ERBB4: variants seen among roughly 807,000 people sequenced by gnomAD.
The protein encoded by ERBB4 is receptor tyrosine-protein kinase erbB-4.
In ERBB4, 42 loss-of-function variants were observed where a neutral mutation model predicts 158.0. The observed-to-expected ratio is 0.27, with a 90% CI of 0.21 to 0.34. The LOEUF is 0.34. ERBB4 is among the 10% of genes least tolerant of loss of function. The probability of loss-of-function intolerance (pLI) is 1.00; values close to 1 mark genes in which losing one functional copy is unlikely to be tolerated. For missense variants in ERBB4, 1,333 were observed against 1,624.1 expected, an observed-to-expected ratio of 0.82 and a Z score of 3.08; for synonymous variants, 583 against 558.7, an observed-to-expected ratio of 1.04 and a Z score of -0.61.
intron 1 of ERBB4, among the ~76,000 whole-genome samples, chr2:212,164,171 C>T (rs111494503): frequency 1.6e-4 from 25 of 151,846 alleles, no homozygotes; most frequent in Admixed American, 8.5e-4. Context: ...ACACATATAG[C>T]GCTGCACTGT....
At chr2:211,622,368 A>G (rs909451353) in intron 18 of ERBB4, among the ~76,000 whole-genome samples, 1 of 152,202 alleles carries the variant, frequency 6.6e-6, no homozygotes, top group Admixed American at 6.5e-5. Context: ...TATGCAAAGT[A>G]GGTACTCAAA....
intron 19 of ERBB4, among the ~76,000 whole-genome samples, chr2:211,603,227 T>A (rs1302555802): frequency 6.8e-6 from 1 of 148,096 alleles, no homozygotes; most frequent in Non-Finnish European, 1.5e-5. Flanking sequence ...CAAGACTCCG[T>A]CTCAATAAAT....
At chr2:211,709,987 G>A (rs767729879) in intron 9 of ERBB4, among the ~76,000 whole-genome samples, 6 of 151,754 alleles carry the variant, frequency 4.0e-5, no homozygotes, top group Non-Finnish European at 8.8e-5. Flanking sequence ...CCAAACTTTC[G>A]TATAATTGGA....
intron 4 of ERBB4, among the ~76,000 whole-genome samples, chr2:211,781,977 A>G (rs1223385597): frequency 1.3e-5 from 2 of 152,132 alleles, no homozygotes; most frequent in East Asian, 1.9e-4. Context: ...GCCATGTCTC[A>G]TATATGTCTC....
chr2:212,444,707 CA>C (rs1391535334), intron 1 of ERBB4, among the ~76,000 whole-genome samples: 1 of 152,152 alleles, frequency 6.6e-6, no homozygotes, highest in Non-Finnish European at 1.5e-5. Context: ...TGCATGGGCT[CA>C]ACAACATGGA....
intron 1 of ERBB4, among the ~76,000 whole-genome samples, chr2:212,139,919 A>T (rs970252061): frequency 6.6e-6 from 1 of 151,568 alleles, no homozygotes; most frequent in Admixed American, 6.6e-5. Flanking sequence ...GATAAATTAT[A>T]TAAATAAGTA....
chr2:211,425,096 T>C (rs988890809), intron 22 of ERBB4, among the ~76,000 whole-genome samples: 1 of 152,138 alleles, frequency 6.6e-6, no homozygotes, highest in Non-Finnish European at 1.5e-5. Context: ...TTTTTTGTAA[T>C]GTAATGATTA....
intron 3 of ERBB4, among the ~76,000 whole-genome samples, chr2:211,940,274 T>C (rs1486667036): frequency 6.6e-6 from 1 of 152,120 alleles, no homozygotes; most frequent in Non-Finnish European, 1.5e-5. Context: ...GATGGAGCCA[T>C]TGTTGTATTA....
In ERBB4 at chr2:212,294,628, C is replaced by T. The variant is rs1416844616; in HGVS notation, c.83-169725G>A. The stretch of plus-strand genomic sequence containing the variant: ...CTTTTATAAATCTGTTCTATCAAAA[C>T]TATACTTACAATATAAAAAACTCTT... On this transcript the variant is annotated intron_variant, in intron 1 of 27. Coordinates refer to ENST00000342788, the MANE Select transcript of ERBB4 (RefSeq NM_005235.3). 3.9e-5 allele frequency among the ~76,000 whole-genome samples: 6 copies of T among 151,914 alleles called. No individual in the cohort carries two copies. The South Asian group carries it at 1.2e-3, about 31-fold the overall frequency.
intron 2 of ERBB4, among the ~76,000 whole-genome samples, chr2:212,044,527 T>A (rs534714542): frequency 2.1e-4 from 32 of 152,234 alleles, no homozygotes; most frequent in African/African-American, 6.3e-4. Context: ...ATGGTTTCTA[T>A]TTTTTTCTCC....
intron 3 of ERBB4, among the ~76,000 whole-genome samples, chr2:211,795,674 G>A (rs2076368723): frequency 6.6e-6 from 1 of 151,714 alleles, no homozygotes; most frequent in Non-Finnish European, 1.5e-5. Flanking sequence ...TGCAAAAGAC[G>A]GAGAAAATCA....
intron 1 of ERBB4, among the ~76,000 whole-genome samples, chr2:212,511,286 T>C (rs1228538235): frequency 4.6e-5 from 7 of 152,138 alleles, no homozygotes; most frequent in Non-Finnish European, 5.9e-5. Flanking sequence ...AGGAAACATT[T>C]TGTGGGCACA....
intron 3 of ERBB4, among the ~76,000 whole-genome samples, chr2:211,912,345 AT>A (rs888609963): frequency 2.0e-4 from 30 of 149,802 alleles, no homozygotes; most frequent in East Asian, 1.4e-3. Context: ...GGGTCCTGAG[AT>A]TTTTTTTTTA....
At chr2:211,752,500 AAAAAAG>A (rs200121172) in intron 4 of ERBB4, among the ~76,000 whole-genome samples, 3,728 of 150,266 alleles carry the variant, frequency 0.025, 212 homozygotes, top group East Asian at 0.18. Context: ...GGAAAAAAAA[AAAAAAG>A]AAAAGAAAAG....
At chr2:211,572,461 G>A (rs1231312737) in intron 19 of ERBB4, among the ~76,000 whole-genome samples, 14 of 152,234 alleles carry the variant, frequency 9.2e-5, no homozygotes. Context: ...TGACCCAAAT[G>A]GATGATGACA....
intron 2 of ERBB4, among the ~76,000 whole-genome samples, chr2:212,110,028 C>T (rs756685471): frequency 2.4e-4 from 36 of 152,106 alleles, no homozygotes; most frequent in Admixed American, 1.4e-3. Flanking sequence ...TTCTGTGCCT[C>T]GTTGCCCTCA....
intron 1 of ERBB4, among the ~76,000 whole-genome samples, chr2:212,492,532 A>T (rs1011947352): frequency 1.2e-4 from 18 of 151,542 alleles, no homozygotes; most frequent in African/African-American, 4.3e-4. Flanking sequence ...ATGTTGATTT[A>T]AATGTAATTG....
chr2:211,729,745 T>C (rs991063928), intron 5 of ERBB4, among the ~76,000 whole-genome samples: 7 of 151,942 alleles, frequency 4.6e-5, no homozygotes, highest in Non-Finnish European at 1.0e-4. Flanking sequence ...AGTCAGCCTC[T>C]ATAGGAACAT....
intron 20 of ERBB4, among the ~76,000 whole-genome samples, chr2:211,502,060 G>A: frequency 6.6e-6 from 1 of 152,096 alleles, no homozygotes. Context: ...CCTGCTTACA[G>A]CCAAAGAAAT....
Sources: gnomAD v4.1 joint callset for allele counts (sites outside exome capture counted in the v4.1 genomes callset) on GRCh38, gnomAD v4.1.1 for gene constraint, MANE v1.5 for transcripts, NCBI Gene and HGNC (gene_info 2026-07-23, HGNC 2026-07-21) for gene names.